Variants in RAB5A observed in about 807,000 individuals in gnomAD.
The protein encoded by RAB5A is RAB5A, member RAS oncogene family.
Under a neutral mutation model 25.7 loss-of-function variants are expected in RAB5A, and 8 were observed. The observed-to-expected ratio is 0.31, with a 90% confidence interval of 0.18 to 0.56. The LOEUF (loss-of-function observed/expected upper bound fraction) is 0.56, where lower values mean the gene tolerates loss of function less well. Among genes scored for constraint, RAB5A ranks in the 20% least tolerant of loss-of-function variants. The pLI is 0.91. For missense variants in RAB5A, 192 were observed against 259.7 expected (o/e 0.74, Z 1.79); for synonymous variants, 98 against 89.8 (o/e 1.09, Z -0.52).
intron 2 of RAB5A, among the ~76,000 whole-genome samples, chr3:19,960,219 A>T (rs1457158016): frequency 6.6e-6 from 1 of 152,170 alleles, no homozygotes; most frequent in African/African-American, 2.4e-5. Context: ...TATCATTTGG[A>T]GTTACATCAA....
chr3:19,962,924 C>T (rs908220211), intron 2 of RAB5A, among the ~76,000 whole-genome samples: 2 of 151,996 alleles, frequency 1.3e-5, no homozygotes, highest in African/African-American at 4.8e-5. Flanking sequence ...ATGATATTTC[C>T]ACTTCAGCCT....
chr3:19,953,898 A>G (rs185953664), intron 2 of RAB5A, among the ~76,000 whole-genome samples: 13 of 152,310 alleles, frequency 8.5e-5, no homozygotes, highest in Admixed American at 7.8e-4. Flanking sequence ...GGTTTGAGCT[A>G]TTTCATGATC....
intron 5 of RAB5A, among the ~76,000 whole-genome samples, chr3:19,981,298 C>A (rs1474107996): frequency 6.6e-6 from 1 of 152,066 alleles, no homozygotes; most frequent in African/African-American, 2.4e-5. Context: ...ATACAGAAAC[C>A]CATCATAAAT....
intron 2 of RAB5A, among the ~76,000 whole-genome samples, chr3:19,974,658 G>A (rs1696796513): frequency 6.7e-6 from 1 of 148,858 alleles, no homozygotes; most frequent in Non-Finnish European, 1.5e-5. Context: ...GGTGGCTCAC[G>A]CCTATAATCT....
chr3:19,956,415 T>G (rs551165774), intron 2 of RAB5A, among the ~76,000 whole-genome samples: 1 of 152,216 alleles, frequency 6.6e-6, no homozygotes, highest in South Asian at 2.1e-4. Flanking sequence ...GATCGCGCCA[T>G]TGCACTCCAG....
At chr3:19,974,162 CTTT>C (rs762397081) in intron 2 of RAB5A, among the ~76,000 whole-genome samples, 3 of 141,370 alleles carry the variant, frequency 2.1e-5, no homozygotes, top group African/African-American at 2.6e-5. Flanking sequence ...TATAATGCTA[CTTT>C]TTTTTTTTTT....
chr3:19,966,072 T>G (rs570523638), intron 2 of RAB5A, among the ~76,000 whole-genome samples: 2 of 152,240 alleles, frequency 1.3e-5, no homozygotes, highest in African/African-American at 2.4e-5. Flanking sequence ...TAACACAAAA[T>G]TTACCATTTT....
intron 5 of RAB5A, among the ~76,000 whole-genome samples, chr3:19,982,620 G>A (rs1042423888): frequency 2.6e-5 from 4 of 152,022 alleles, no homozygotes; most frequent in Admixed American, 6.6e-5. Context: ...AGTCTGAGGC[G>A]GAAGAGTTGC....
chr3:19,978,566 C>T, intron 5 of RAB5A, 163 bp downstream of exon 5: 1 of 550,424 alleles, frequency 1.8e-6, no homozygotes. Flanking sequence ...TTTTCTAAGT[C>T]CCTTCCACAA....
chr3:19,976,140 C>G lies in RAB5A; in HGVS notation c.409C>G (p.Leu137Val). The part of the protein sequence containing the change: ...VIALSGNKAD[L>V]ANKRAVDFQE... Reference sequence around the variant, plus strand: ...AGCTTTATCGGGAAACAAGGCCGACCTAGCAAATAAAAGAGCAGTAGATTT... The same window carrying G: ...AGCTTTATCGGGAAACAAGGCCGACGTAGCAAATAAAAGAGCAGTAGATTT... Residue 137 changes from leucine to valine, a missense_variant, in exon 4 of 6, where the codon CTA (leucine) becomes GTA (valine). Physicochemically the swap from Leu to Val is conservative, Grantham distance 32. This residue lies in a region of RAB5A where 121 missense variants were observed against 135.7 expected (regional missense o/e 0.89). Transcript: ENST00000273047. 6.2e-7 allele frequency: 1 copy of G among 1,610,792 alleles called. No individual in the cohort carries two copies. Among genetic ancestry groups the G allele is most frequent in the Non-Finnish European group, 8.5e-7 (1 of 1,178,796 alleles).
At chr3:19,958,307 T>G (rs935343676) in intron 2 of RAB5A, among the ~76,000 whole-genome samples, 1 of 152,224 alleles carries the variant, frequency 6.6e-6, no homozygotes, top group Non-Finnish European at 1.5e-5. Flanking sequence ...ATTTGAGAGG[T>G]TGTTACCCAG....
At chr3:19,973,827 G>T (rs1176420904) in intron 2 of RAB5A, among the ~76,000 whole-genome samples, 1 of 152,142 alleles carries the variant, frequency 6.6e-6, no homozygotes, top group Non-Finnish European at 1.5e-5. Context: ...AATAAATGTT[G>T]TGTCTAACGT....
chr3:19,964,790 T>G (rs1696637494), intron 2 of RAB5A, among the ~76,000 whole-genome samples: 1 of 152,112 alleles, frequency 6.6e-6, no homozygotes, highest in Non-Finnish European at 1.5e-5. Context: ...TTTTGTAGTT[T>G]TAGTAGAGAC....
rs1314549659 is a variant in RAB5A, at chr3:19,950,865, A to G, written c.-34A>G. 6.3e-7 allele frequency: 1 copy of G among 1,584,700 alleles called. No individual in the cohort carries two copies. The highest frequency in any genetic ancestry group is 1.3e-5 in the African/African-American group (1 of 74,254). On this transcript the variant is annotated 5_prime_UTR_variant, in exon 2 of 6. Transcript: ENST00000273047. ...CTTGAATTCTGGAAGTTCATTGAAG[A>G]GTCTGAAATTAGGGACTTATTTCAA...
Position 19,969,725 on chromosome 3 carries a change from A to G in RAB5A, c.164-5876A>G, listed in dbSNP as rs553737756. ...ATAATAAGTTTGGGCTTGAAGTTGT[A>G]TGGTTTCTCAGTTTTTGTATTTTTC... On this transcript the variant is annotated intron_variant, in intron 2 of 5. Coordinates refer to ENST00000273047, the MANE Select transcript of RAB5A (RefSeq NM_004162.5). Among the ~76,000 whole-genome samples, 390 of 152,272 alleles carry G rather than the reference A, an allele frequency of 2.6e-3. 2 individuals carry two copies. Among genetic ancestry groups the G allele is most frequent in the Middle Eastern group, 0.017 (5 of 294 alleles).
At chr3:19,969,909 T>C (rs1348732076) in intron 2 of RAB5A, among the ~76,000 whole-genome samples, 1 of 152,176 alleles carries the variant, frequency 6.6e-6, no homozygotes, top group African/African-American at 2.4e-5. Flanking sequence ...GTTCAAGTGA[T>C]TCTTCTGCCT....
At chr3:19,968,647 G>A (rs1489564129) in intron 2 of RAB5A, among the ~76,000 whole-genome samples, 1 of 151,926 alleles carries the variant, frequency 6.6e-6, no homozygotes, top group East Asian at 1.9e-4. Context: ...TTAATAGAGA[G>A]CCAGGGTTTC....
intron 2 of RAB5A, among the ~76,000 whole-genome samples, chr3:19,969,043 TG>T (rs370699742): frequency 0.069 from 4,915 of 71,142 alleles, 434 homozygotes; most frequent in African/African-American, 0.28. Context: ...TTTTTTTTTT[TG>T]GTTTTTTTTT....
At position 19,974,926 on chromosome 3, in the gene RAB5A, A is replaced by G. The variant is rs147833472; in HGVS notation, c.164-675A>G. Among the ~76,000 whole-genome samples, 29 of 152,200 alleles carry G rather than the reference A, an allele frequency of 1.9e-4. No individual in the cohort carries two copies. In the East Asian group the frequency reaches 5.2e-3, roughly 27 times the overall value. ...AGTGCATTTCTTTAATTGTAGAGCAATTTTGAAATGCAGTCTTCGCTGGGC... is the reference window on the plus strand; with the variant it reads ...AGTGCATTTCTTTAATTGTAGAGCAGTTTTGAAATGCAGTCTTCGCTGGGC... On this transcript the variant is annotated intron_variant, in intron 2 of 5. Coordinates refer to ENST00000273047, the MANE Select transcript of RAB5A (RefSeq NM_004162.5).
Sources: allele counts gnomAD v4.1 joint callset (sites outside exome capture counted in the v4.1 genomes callset), GRCh38; gene constraint gnomAD v4.1.1; regional missense constraint gnomAD v4.1.1; transcripts MANE v1.5; gene names NCBI Gene and HGNC (gene_info 2026-07-23, HGNC 2026-07-21).